CHD1L: variants seen among roughly 807,000 people sequenced by gnomAD.
CHD1L encodes the protein chromodomain helicase DNA binding protein 1 like.
A neutral mutation model predicts 115.9 loss-of-function variants in CHD1L; 118 were observed. That is an observed-to-expected ratio of 1.02 (90% CI 0.88 to 1.19). The LOEUF (loss-of-function observed/expected upper bound fraction) is 1.19, where lower values mean the gene tolerates loss of function less well. CHD1L is among the 50% of genes most tolerant of loss of function. The pLI, the probability that CHD1L is intolerant of heterozygous loss-of-function variation, is 0.00. For missense variants in CHD1L, 1,179 were observed against 1,065.3 expected (o/e 1.11, Z -1.49); for synonymous variants, 411 against 387.1 (o/e 1.06, Z -0.72).
intron 2 of CHD1L, 147 bp from the exon 3 acceptor site, chr1:147,254,723 C>T (rs1553938773): frequency 8.0e-6 from 4 of 498,362 alleles, no homozygotes; most frequent in African/African-American, 3.9e-5. Context: ...ATGGATTACT[C>T]CCCTGATATG....
chr1:147,242,605 G>A (rs1890040), upstream of CHD1L: 327,800 of 1,170,914 alleles, frequency 0.28, 46,713 homozygotes, highest in African/African-American at 0.4. Context: ...CGCCTCGCTC[G>A]TAGGTGGGCC....
At chr1:147,197,609 C>T in the CHD1L span, among the ~76,000 whole-genome samples, 1 of 152,108 alleles carries the variant, frequency 6.6e-6, no homozygotes, top group African/African-American at 2.4e-5. Context: ...CTTTCCCTTT[C>T]ACTCAGCACT....
Position 147,256,498 on chromosome 1 carries a change from CA to C in CHD1L, c.463-32del, listed in dbSNP as rs782425466. 30 of 1,599,228 alleles carry C rather than the reference CA, an allele frequency of 1.9e-5. No individual in the cohort carries two copies. In the African/African-American group the frequency reaches 2.9e-4, roughly 16 times the overall value. ...TATCAATATCAGAGTTTATCAATGCCAGCCTTTATAACGTGTCTTCCTAATT... is the reference window on the plus strand; with the variant it reads ...TATCAATATCAGAGTTTATCAATGCCGCCTTTATAACGTGTCTTCCTAATT... On this transcript the variant is annotated intron_variant, in intron 4 of 22. Coordinates refer to ENST00000369258, the MANE Select transcript of CHD1L (RefSeq NM_004284.6).
intron 1 of CHD1L, among the ~76,000 whole-genome samples, chr1:147,249,133 T>C (rs587664855): frequency 6.6e-6 from 1 of 152,310 alleles, no homozygotes; most frequent in East Asian, 1.9e-4. Flanking sequence ...AAATTCTCTT[T>C]GTTTTCCTTC....
intron 19 of CHD1L, among the ~76,000 whole-genome samples, chr1:147,290,853 C>A (rs963264280): frequency 6.6e-6 from 1 of 151,836 alleles, no homozygotes; most frequent in Non-Finnish European, 1.5e-5. Context: ...GGTCTTGCGC[C>A]TTGTTGCCCA....
rs587652117 is a variant in CHD1L at position 147,291,394 on chromosome 1, C to T, written c.2321-88C>T. On this transcript the variant is annotated intron_variant, in intron 19 of 22. Coordinates refer to ENST00000369258, the MANE Select transcript of CHD1L (RefSeq NM_004284.6). ...TAGGAAGGTGGGTCCTGAAACCCAACTGAATTTGAAGAAGGCGAGATACGA... is the reference window on the plus strand; with the variant it reads ...TAGGAAGGTGGGTCCTGAAACCCAATTGAATTTGAAGAAGGCGAGATACGA... The T allele has an allele frequency of 2.6e-6, 3 of 1,170,496 alleles. No homozygotes were observed. The African/African-American group carries it at 4.5e-5, about 18-fold the overall frequency. 72.5% of individuals were successfully genotyped at this position (1,170,496 alleles called of 1,614,324 possible). A position where few individuals can be genotyped will look rare whatever the true frequency, so the allele number is the denominator to read the frequency against.
At chr1:147,214,173 C>T in the CHD1L span, among the ~76,000 whole-genome samples, 92 of 152,214 alleles carry the variant, frequency 6.0e-4, 1 homozygote, top group South Asian at 2.3e-3. Context: ...CCATCCCGGC[C>T]GGGTGCGGTG....
intron 10 of CHD1L, among the ~76,000 whole-genome samples, chr1:147,269,667 CA>C (rs10649680): frequency 2.3e-4 from 21 of 93,264 alleles, no homozygotes; most frequent in South Asian, 1.4e-3. Flanking sequence ...GGCTCCATCT[CA>C]AAAAAAAAAA....
intron 7 of CHD1L, among the ~76,000 whole-genome samples, 158 bp from the exon 8 acceptor site, chr1:147,265,774 A>G (rs921465338): frequency 4.6e-5 from 7 of 152,224 alleles, no homozygotes; most frequent in African/African-American, 2.4e-5. Flanking sequence ...GATGATCCCA[A>G]TGAAGGAAGA....
chr1:147,243,967 G>C (rs587628698), intron 1 of CHD1L, among the ~76,000 whole-genome samples: 1 of 152,332 alleles, frequency 6.6e-6, no homozygotes, highest in Non-Finnish European at 1.5e-5. Flanking sequence ...ACGCTGACAT[G>C]AAAGAGAAAG....
At chr1:147,212,934 G>T in the CHD1L span, among the ~76,000 whole-genome samples, 1 of 151,528 alleles carries the variant, frequency 6.6e-6, no homozygotes, top group African/African-American at 2.4e-5. Context: ...GAAAATCCAG[G>T]CCAAAGACTG....
At chr1:147,187,316 T>G in the CHD1L span, 6 of 1,132,182 alleles carry the variant, frequency 5.3e-6, no homozygotes, top group Non-Finnish European at 7.6e-6. Flanking sequence ...TACTGCCTTC[T>G]GAGTGCCTGC....
At chr1:147,213,442 G>A in the CHD1L span, 1 of 1,611,436 alleles carries the variant, frequency 6.2e-7, no homozygotes, top group Non-Finnish European at 8.5e-7. Flanking sequence ...GGCAAAATCA[G>A]GCTGCTTCTT....
chr1:147,182,234 A>C, the CHD1L span, among the ~76,000 whole-genome samples: 1 of 152,190 alleles, frequency 6.6e-6, no homozygotes, highest in African/African-American at 2.4e-5. Context: ...TTCCAATAAG[A>C]CTAAGTGAAA....
At chr1:147,267,933 T>C (rs587731914) in intron 9 of CHD1L, among the ~76,000 whole-genome samples, 2 of 152,322 alleles carry the variant, frequency 1.3e-5, no homozygotes, top group South Asian at 2.1e-4. Context: ...TTGTCTTGAA[T>C]TGACTCAGTC....
intron 15 of CHD1L, 87 bp from the exon 16 acceptor site, chr1:147,284,264 C>A: frequency 9.2e-7 from 1 of 1,089,834 alleles, no homozygotes; most frequent in Non-Finnish European, 1.3e-6. Context: ...GGCTGTTCTC[C>A]TGTCCACTTT....
the CHD1L span, chr1:147,213,316 C>A: frequency 2.5e-6 from 4 of 1,606,292 alleles, no homozygotes; most frequent in Admixed American, 3.4e-5. Context: ...ACCAGGGAAG[C>A]TTTCCAGAGG....
chr1:147,284,531 C>T (rs782545834), intron 16 of CHD1L, 32 bp downstream of exon 16: 12 of 1,506,744 alleles, frequency 8.0e-6, no homozygotes, highest in South Asian at 1.3e-5. Flanking sequence ...AAAAGTTGTT[C>T]TTCCAAACTC....
the CHD1L span, among the ~76,000 whole-genome samples, chr1:147,180,368 T>G: frequency 6.6e-4 from 100 of 152,256 alleles, no homozygotes; most frequent in South Asian, 0.021. Context: ...CTCAGCTCAC[T>G]GCAACTTCCA....
Sources: gnomAD v4.1 joint callset for allele counts (sites outside exome capture counted in the v4.1 genomes callset) on GRCh38, gnomAD v4.1.1 for gene constraint, MANE v1.5 for transcripts, NCBI Gene and HGNC (gene_info 2026-07-23, HGNC 2026-07-21) for gene names.